KCTD16: variants seen among roughly 807,000 people sequenced by gnomAD.
The protein encoded by KCTD16 is potassium channel tetramerization domain containing 16, also known as BTB/POZ domain-containing protein KCTD16.
Under a neutral mutation model 33.2 loss-of-function variants are expected in KCTD16, and 13 were observed. That is an observed-to-expected ratio of 0.39 (90% CI 0.25 to 0.62). The LOEUF (loss-of-function observed/expected upper bound fraction) is 0.62. Ranked by LOEUF, KCTD16 falls within the 20% of genes least tolerant of loss-of-function variation. The pLI is 0.50. For synonymous variants in KCTD16, 197 were observed against 195.3 expected (o/e 1.01, Z -0.07); for missense variants, 441 against 525.1 (o/e 0.84, Z 1.57).
At chr5:144,429,260 A>G (rs1580957885) in intron 3 of KCTD16, among the ~76,000 whole-genome samples, 1 of 152,258 alleles carries the variant, frequency 6.6e-6, no homozygotes, top group African/African-American at 2.4e-5. Flanking sequence ...TCAAAAATCC[A>G]CCTTAGACAA....
Position 144,303,376 on chromosome 5 carries a change from A to T in KCTD16, c.832+95830A>T, listed in dbSNP as rs74460292. Among the ~76,000 whole-genome samples, 1,492 of 152,252 alleles carry T rather than the reference A, an allele frequency of 9.8e-3. 21 individuals carry two copies. The highest frequency in any genetic ancestry group is 0.034 in the African/African-American group (1,402 of 41,536). ...TTTATAGGCTTGTGAGATCTCTGTA[A>T]AATCTTTTATGATTTGTTAAAGATC... On this transcript the variant is annotated intron_variant, in intron 3 of 3. Coordinates refer to ENST00000512467, the MANE Select transcript of KCTD16 (RefSeq NM_020768.4).
intron 3 of KCTD16, among the ~76,000 whole-genome samples, chr5:144,386,739 AG>A (rs1178387003): frequency 6.6e-6 from 1 of 152,210 alleles, no homozygotes; most frequent in African/African-American, 2.4e-5. Context: ...CACATTCCAG[AG>A]TGCTTTGATG....
At chr5:144,352,609 AT>A (rs1164563026) in intron 3 of KCTD16, among the ~76,000 whole-genome samples, 1 of 152,154 alleles carries the variant, frequency 6.6e-6, no homozygotes, top group Non-Finnish European at 1.5e-5. Context: ...AGAGCACTGA[AT>A]TGTGGATGTT....
At chr5:144,323,724 G>A (rs901955075) in intron 3 of KCTD16, among the ~76,000 whole-genome samples, 4 of 152,090 alleles carry the variant, frequency 2.6e-5, no homozygotes, top group Admixed American at 6.6e-5. Context: ...GGTCTGTGAG[G>A]CACATTTTCA....
At chr5:144,435,305 T>A (rs529630791) in intron 3 of KCTD16, among the ~76,000 whole-genome samples, 1 of 152,330 alleles carries the variant, frequency 6.6e-6, no homozygotes, top group Admixed American at 6.5e-5. Context: ...GTAGATTTGT[T>A]GTGAGATCTG....
intron 3 of KCTD16, among the ~76,000 whole-genome samples, chr5:144,351,627 C>T (rs188319693): frequency 1.8e-4 from 28 of 152,222 alleles, no homozygotes; most frequent in Admixed American, 7.2e-4. Context: ...GCACTATTCA[C>T]AATAGCCAAC....
At chr5:144,205,921 G>A (rs971062283) in intron 2 of KCTD16, 4 of 186,846 alleles carry the variant, frequency 2.1e-5, no homozygotes, top group Admixed American at 6.2e-5. Flanking sequence ...TTGATACCTC[G>A]GTCGTTTACC....
intron 3 of KCTD16, among the ~76,000 whole-genome samples, chr5:144,418,585 C>T (rs1189426138): frequency 6.6e-6 from 1 of 152,138 alleles, no homozygotes; most frequent in Non-Finnish European, 1.5e-5. Flanking sequence ...TACTTCTTTA[C>T]TGGTGTTGGT....
At chr5:144,247,439 G>A (rs1014719027) in intron 3 of KCTD16, among the ~76,000 whole-genome samples, 1 of 152,158 alleles carries the variant, frequency 6.6e-6, no homozygotes, top group African/African-American at 2.4e-5. Flanking sequence ...TTGTGTGAGG[G>A]GAGAGACCTA....
At chr5:144,373,164 A>G (rs1309389437) in intron 3 of KCTD16, among the ~76,000 whole-genome samples, 1 of 152,164 alleles carries the variant, frequency 6.6e-6, no homozygotes, top group Non-Finnish European at 1.5e-5. Flanking sequence ...TTTGACAGAC[A>G]GGAAGCAGGA....
intron 3 of KCTD16, among the ~76,000 whole-genome samples, chr5:144,461,872 C>G (rs1423423990): frequency 6.6e-6 from 1 of 152,142 alleles, no homozygotes; most frequent in East Asian, 1.9e-4. Flanking sequence ...TCCCTTGACT[C>G]ACCTTTATTT....
intron 3 of KCTD16, among the ~76,000 whole-genome samples, chr5:144,287,272 T>G (rs1755770546): frequency 8.4e-6 from 1 of 119,664 alleles, no homozygotes; most frequent in Non-Finnish European, 2.0e-5. Flanking sequence ...CCTGCCTTAA[T>G]GATCTTCCTG....
chr5:144,193,003 C>G (rs1013865065), intron 2 of KCTD16, among the ~76,000 whole-genome samples: 3 of 152,116 alleles, frequency 2.0e-5, no homozygotes, highest in African/African-American at 7.2e-5. Flanking sequence ...GGAGGAAGAA[C>G]ATTAACAGGT....
chr5:144,214,208 C>T (rs1255696530), intron 3 of KCTD16, among the ~76,000 whole-genome samples: 1 of 152,102 alleles, frequency 6.6e-6, no homozygotes, highest in African/African-American at 2.4e-5. Flanking sequence ...GTTGGTTCTT[C>T]TCCTTCATCT....
At chr5:144,193,131 C>T (rs1752875427) in intron 2 of KCTD16, among the ~76,000 whole-genome samples, 1 of 152,202 alleles carries the variant, frequency 6.6e-6, no homozygotes. Flanking sequence ...TAAATTCTCC[C>T]CACTGATCTC....
At chr5:144,284,696 A>T (rs1755696418) in intron 3 of KCTD16, among the ~76,000 whole-genome samples, 1 of 152,196 alleles carries the variant, frequency 6.6e-6, no homozygotes, top group Admixed American at 6.5e-5. Flanking sequence ...AGTTAAATAG[A>T]CTGCTTTTCA....
chr5:144,215,388 C>T (rs567192103), intron 3 of KCTD16, among the ~76,000 whole-genome samples: 4 of 152,310 alleles, frequency 2.6e-5, no homozygotes, highest in Admixed American at 1.3e-4. Context: ...ACTGTGAGAC[C>T]GACAAGGTTG....
intron 3 of KCTD16, among the ~76,000 whole-genome samples, chr5:144,446,020 T>C (rs893610871): frequency 6.6e-6 from 1 of 151,944 alleles, no homozygotes; most frequent in African/African-American, 2.4e-5. Context: ...TCCTACTTTC[T>C]TGTTTTTTCT....
chr5:144,425,131 A>T (rs1315808150), intron 3 of KCTD16, among the ~76,000 whole-genome samples: 1 of 152,144 alleles, frequency 6.6e-6, no homozygotes, highest in Non-Finnish European at 1.5e-5. Flanking sequence ...CTACTCCAGA[A>T]ATACAATAGT....
Sources: allele counts gnomAD v4.1 joint callset (sites outside exome capture counted in the v4.1 genomes callset), GRCh38; gene constraint gnomAD v4.1.1; transcripts MANE v1.5; gene names NCBI Gene and HGNC (gene_info 2026-07-23, HGNC 2026-07-21).